Variants in SAMM50 observed in about 807,000 individuals in gnomAD.
SAMM50 encodes SAMM50 sorting and assembly machinery component.
SAMM50 carries 47 observed loss-of-function variants against 66.9 expected under a neutral mutation model. The observed-to-expected ratio is 0.70, with a 90% CI of 0.56 to 0.90. The LOEUF (loss-of-function observed/expected upper bound fraction) is 0.90. SAMM50 is among the 40% of genes least tolerant of loss of function. The pLI is 0.00. For synonymous variants in SAMM50, 191 were observed against 214.1 expected (o/e 0.89, Z 0.94); for missense variants, 535 against 595.3 (o/e 0.90, Z 1.05).
rs146196209 is a variant in SAMM50 at position 43,969,841 on chromosome 22, A to G, written c.322+1023A>G. Among the ~76,000 whole-genome samples, 4 of 152,278 alleles carry G rather than the reference A, an allele frequency of 2.6e-5. No individual in the cohort carries two copies. The East Asian group carries it at 7.8e-4, about 30-fold the overall frequency. On this transcript the variant is annotated intron_variant, in intron 4 of 14. Coordinates refer to ENST00000350028, the MANE Select transcript of SAMM50 (RefSeq NM_015380.5). ...TGGAGTGCTGGAAGACAAGGAAGAA[A>G]AGCCGTCAGGAGCCCAGACCGTGGT...
intron 14 of SAMM50, among the ~76,000 whole-genome samples, chr22:43,993,500 T>C (rs2050336687): frequency 6.6e-6 from 1 of 152,276 alleles, no homozygotes; most frequent in South Asian, 2.1e-4. Flanking sequence ...CAGAGATTAA[T>C]TTCAAAATAT....
chr22:43,978,291 C>T (rs946753777), intron 10 of SAMM50, among the ~76,000 whole-genome samples: 37 of 151,718 alleles, frequency 2.4e-4, no homozygotes, highest in Admixed American at 5.9e-4. Flanking sequence ...AAAAATTAGC[C>T]GGGCGTGGTG....
chr22:43,989,146 G>A lies in SAMM50; in HGVS notation c.1111G>A (p.Gly371Ser), dbSNP rs745513145. 9.9e-6 allele frequency: 16 copies of A among 1,614,024 alleles called. No individual in the cohort carries two copies. Among genetic ancestry groups the A allele is most frequent in the African/African-American group, 5.3e-5 (4 of 75,004 alleles). Residue 371 changes from glycine to serine, a missense_variant, in exon 13 of 15, where the codon GGC becomes AGC. Coordinates refer to ENST00000350028, the MANE Select transcript of SAMM50 (RefSeq NM_015380.5). ...YLGGEAYWAG[G>S]LHLYTPLPFR... ...AGGTGGAGAAGCGTACTGGGCCGGCGGCCTGCACCTCTACACCCCATTACC... is the reference window on the plus strand; with the variant it reads ...AGGTGGAGAAGCGTACTGGGCCGGCAGCCTGCACCTCTACACCCCATTACC...
At chr22:43,963,198 G>A (rs1326036999) in intron 1 of SAMM50, 88 bp from the exon 2 acceptor site, 5 of 770,404 alleles carry the variant, frequency 6.5e-6, no homozygotes, top group Non-Finnish European at 8.5e-6. Context: ...TGAATTTTCT[G>A]CAGCACCATC....
chr22:43,960,007 C>T (rs868278320), intron 1 of SAMM50, among the ~76,000 whole-genome samples: 31 of 152,186 alleles, frequency 2.0e-4, no homozygotes, highest in African/African-American at 6.5e-4. Context: ...TTAAAGAATA[C>T]GGATGGACCT....
intron 14 of SAMM50, among the ~76,000 whole-genome samples, chr22:43,992,028 T>C (rs2146829433): frequency 6.7e-6 from 1 of 149,000 alleles, no homozygotes; most frequent in East Asian, 2.0e-4. Context: ...CTTATTTTTG[T>C]ATATGCATTC....
intron 11 of SAMM50, among the ~76,000 whole-genome samples, chr22:43,982,838 G>A (rs896179566): frequency 6.6e-6 from 1 of 152,136 alleles, no homozygotes; most frequent in African/African-American, 2.4e-5. Flanking sequence ...GTTTTACCAT[G>A]TTGGCTAGGC....
chr22:43,973,218 T>A lies in SAMM50; in HGVS notation c.561-18T>A, dbSNP rs751131222. The A allele has an allele frequency of 6.6e-7, 1 of 1,503,780 alleles. No homozygotes were observed. Among genetic ancestry groups the A allele is most frequent in the Admixed American group, 1.7e-5 (1 of 59,762 alleles). 93.2% of individuals were successfully genotyped at this position (1,503,780 alleles called of 1,614,324 possible). A position where few individuals can be genotyped will look rare whatever the true frequency, so the allele number is the denominator to read the frequency against. On this transcript the variant is annotated intron_variant, in intron 6 of 14. Transcript: ENST00000350028. ...ATCACTGTTTCAGCTTTTAAAGCTC[T>A]ATCCCATTGTCTCCTAGTTTCTCTG... is the stretch of plus-strand genomic sequence containing the variant.
At chr22:43,957,032 TG>T in intron 1 of SAMM50, 2 of 867,640 alleles carry the variant, frequency 2.3e-6, no homozygotes, top group Non-Finnish European at 3.9e-6. Context: ...GAAATATGTC[TG>T]GAAGGCTGTG....
At chr22:43,973,475 C>A in intron 7 of SAMM50, 152 bp downstream of exon 7, 1 of 597,166 alleles carries the variant, frequency 1.7e-6, no homozygotes. Context: ...TCTTCTCTAG[C>A]CGAGTACAGG....
chr22:43,975,867 T>A, intron 7 of SAMM50, 188 bp from the exon 8 acceptor site: 1 of 597,208 alleles, frequency 1.7e-6, no homozygotes, highest in Non-Finnish European at 2.9e-6. Flanking sequence ...CCCCCTTTCT[T>A]CCTTTGTCCT....
chr22:43,974,444 G>A (rs2050220845), intron 7 of SAMM50, among the ~76,000 whole-genome samples: 1 of 152,224 alleles, frequency 6.6e-6, no homozygotes, highest in Non-Finnish European at 1.5e-5. Flanking sequence ...CTGATGCGGC[G>A]CGTGGCGCAG....
intron 4 of SAMM50, among the ~76,000 whole-genome samples, chr22:43,970,315 G>A (rs2050196783): frequency 6.6e-6 from 1 of 152,144 alleles, no homozygotes; most frequent in African/African-American, 2.4e-5. Flanking sequence ...TTGGGCTGGT[G>A]TGGTGCTTCG....
intron 14 of SAMM50, among the ~76,000 whole-genome samples, chr22:43,994,597 C>T (rs573047184): frequency 3.3e-5 from 5 of 152,194 alleles, no homozygotes; most frequent in African/African-American, 4.8e-5. Context: ...CTCCAAGACC[C>T]TGTGCCGGCA....
chr22:43,962,881 ATTTTTTTTTTTTTTTTTTT>A (rs58022542), intron 1 of SAMM50, among the ~76,000 whole-genome samples: 4 of 65,518 alleles, frequency 6.1e-5, no homozygotes, highest in African/African-American at 2.1e-4. Context: ...CTTTTGGTTA[ATTTTTTTTTTTTTTTTTTT>A]TTTTTTTTTT....
rs1410146875 is a variant in SAMM50, at chr22:43,972,464, GT to G, written c.429+124del. 3 of 562,938 alleles carry G rather than the reference GT, an allele frequency of 5.3e-6. No homozygotes were observed. In the African/African-American group the frequency reaches 5.8e-5, roughly 11 times the overall value. 34.9% of individuals were successfully genotyped at this position (562,938 alleles called of 1,614,324 possible). A position where few individuals can be genotyped will look rare whatever the true frequency, so the allele number is the denominator to read the frequency against. ...TCGGTCATTTCATTTACCTTAATCT[GT>G]TGTTATTTGTGGTTTCTCTTTAATC... On this transcript the variant is annotated intron_variant, in intron 5 of 14. Transcript: ENST00000350028.
chr22:43,980,879 T>A (rs922155035), intron 10 of SAMM50, among the ~76,000 whole-genome samples: 2 of 152,242 alleles, frequency 1.3e-5, no homozygotes, highest in Non-Finnish European at 2.9e-5. Context: ...GACTGGCTAC[T>A]GCCTCCTGCC....
Position 43,963,513 on chromosome 22 carries a change from T to A in SAMM50, c.132+117T>A. ...TCCGTGCCTTTATCAAAGAAGAGTTTGTAACCACCTACAACTAGAAAAACT... is the reference window on the plus strand; with the variant it reads ...TCCGTGCCTTTATCAAAGAAGAGTTAGTAACCACCTACAACTAGAAAAACT... On this transcript the variant is annotated intron_variant, in intron 2 of 14. Coordinates refer to ENST00000350028, the MANE Select transcript of SAMM50 (RefSeq NM_015380.5). 1.3e-5 allele frequency: 7 copies of A among 530,426 alleles called. 1 individual carries two copies. The South Asian group carries it at 2.5e-4, about 19-fold the overall frequency. 32.9% of individuals were successfully genotyped at this position (530,426 alleles called of 1,614,324 possible). A position where few individuals can be genotyped will look rare whatever the true frequency, so the allele number is the denominator to read the frequency against.
chr22:43,975,945 A>C lies in SAMM50; in HGVS notation c.649-110A>C, dbSNP rs1344167588. ...TTCTCCCTCTCTCTCATCATTAAAAAAAATTAGATATTTAGTTCATTGTTT... is the reference window on the plus strand; with the variant it reads ...TTCTCCCTCTCTCTCATCATTAAAACAAATTAGATATTTAGTTCATTGTTT... On this transcript the variant is annotated intron_variant, in intron 7 of 14. Transcript: ENST00000350028. The C allele has an allele frequency of 2.6e-6, 3 of 1,167,918 alleles. No homozygotes were observed. The Admixed American group carries it at 7.6e-5, about 30-fold the overall frequency. The allele number at this position is 1,167,918 out of a possible 1,614,324, so 72.3% of individuals were successfully genotyped here.
Sources: allele counts gnomAD v4.1 joint callset (sites outside exome capture counted in the v4.1 genomes callset), GRCh38; gene constraint gnomAD v4.1.1; transcripts MANE v1.5; gene names NCBI Gene and HGNC (gene_info 2026-07-23, HGNC 2026-07-21).